KDM5A: variants seen among roughly 807,000 people sequenced by gnomAD.
The protein encoded by KDM5A is lysine-specific demethylase 5A.
Under a neutral mutation model 193.5 loss-of-function variants are expected in KDM5A, and 42 were observed. The ratio of observed to expected loss-of-function variants is 0.22; its 90% CI spans 0.17 to 0.28. The LOEUF (loss-of-function observed/expected upper bound fraction) is 0.28, where lower values mean the gene tolerates loss of function less well. Ranked by LOEUF, KDM5A falls within the 10% of genes least tolerant of loss-of-function variation. The probability of loss-of-function intolerance (pLI) is 1.00; values close to 1 mark genes in which losing one functional copy is unlikely to be tolerated. For synonymous variants in KDM5A, 796 were observed against 718.1 expected (o/e 1.11, Z -1.73); for missense variants, 1,692 against 2,055.1 (o/e 0.82, Z 3.42).
intron 5 of KDM5A, among the ~76,000 whole-genome samples, chr12:359,817 G>A (rs577985155): frequency 6.7e-6 from 1 of 148,234 alleles, no homozygotes. Flanking sequence ...GAGGGAGAAG[G>A]GAGGCAAGGA....
chr12:313,105 T>G lies in KDM5A; in HGVS notation c.2987A>C (p.Glu996Ala), dbSNP rs1236531310. The change falls in exon 20 of 28, where the codon GAA becomes GCA. Residue 996 changes from glutamate (E) to alanine (A), a missense_variant. This residue lies in a region of KDM5A where 965 missense variants were observed against 1,061.0 expected (regional missense o/e 0.91). Coordinates refer to ENST00000399788, the MANE Select transcript of KDM5A (RefSeq NM_001042603.3). Reference sequence around the variant, plus strand: ...CCATTCTCGAGCCTTTTGTAAGGCTTCTTTCAAGGACAACACATTGGGTAG... The same window carrying G: ...CCATTCTCGAGCCTTTTGTAAGGCTGCTTTCAAGGACAACACATTGGGTAG... Reference protein sequence around the residue: ...AFLPNVLSLKEALQKAREWTA... With the variant: ...AFLPNVLSLKAALQKAREWTA... The G allele has an allele frequency of 6.2e-7, 1 of 1,614,158 alleles. No homozygotes were observed. The highest frequency in any genetic ancestry group is 8.5e-7 in the Non-Finnish European group (1 of 1,179,988).
chr12:379,091 G>A (rs1324554514), intron 3 of KDM5A, among the ~76,000 whole-genome samples: 5 of 151,830 alleles, frequency 3.3e-5, no homozygotes, highest in South Asian at 2.1e-4. Flanking sequence ...AAACCATCAT[G>A]CTGATGACTT....
At chr12:330,886 C>A (rs1943855887) in intron 13 of KDM5A, among the ~76,000 whole-genome samples, 1 of 151,972 alleles carries the variant, frequency 6.6e-6, no homozygotes, top group Non-Finnish European at 1.5e-5. Context: ...GCAACAAAAA[C>A]AGCACCAATA....
At chr12:353,334 A>C (rs1216624428) in intron 8 of KDM5A, among the ~76,000 whole-genome samples, 1 of 152,224 alleles carries the variant, frequency 6.6e-6, no homozygotes, top group Non-Finnish European at 1.5e-5. Context: ...GTCTCAAAAA[A>C]GTAAATAAAT....
At chr12:300,569 C>A (rs916374403) in intron 24 of KDM5A, among the ~76,000 whole-genome samples, 5 of 152,034 alleles carry the variant, frequency 3.3e-5, no homozygotes, top group African/African-American at 1.2e-4. Flanking sequence ...TAAATGCCCA[C>A]AAGAGAAAGG....
chr12:314,613 T>C (rs1231065756), intron 19 of KDM5A, among the ~76,000 whole-genome samples: 2 of 152,196 alleles, frequency 1.3e-5, no homozygotes, highest in African/African-American at 4.8e-5. Flanking sequence ...AGAACCTAAT[T>C]GACTTGGCAG....
At chr12:361,511 T>A (rs1944295021) in intron 5 of KDM5A, among the ~76,000 whole-genome samples, 1 of 152,044 alleles carries the variant, frequency 6.6e-6, no homozygotes, top group Non-Finnish European at 1.5e-5. Context: ...CCCATTTTTA[T>A]AATAAAGAAA....
intron 1 of KDM5A, among the ~76,000 whole-genome samples, chr12:388,050 AACAAGACTAGAGATCT>A (rs754980035): frequency 2.0e-4 from 30 of 152,228 alleles, no homozygotes; most frequent in Non-Finnish European, 3.7e-4. Flanking sequence ...GAACTTCCAC[AACAAGACTAGAGATCT>A]GCATTTAAAC....
intron 10 of KDM5A, among the ~76,000 whole-genome samples, chr12:346,780 C>T (rs1324425629): frequency 6.6e-6 from 1 of 152,208 alleles, no homozygotes; most frequent in African/African-American, 2.4e-5. Context: ...ATAATAAGAG[C>T]TATTTATGAC....
chr12:296,884 G>A (rs1943380242), intron 25 of KDM5A, among the ~76,000 whole-genome samples, 157 bp downstream of exon 25: 2 of 152,166 alleles, frequency 1.3e-5, no homozygotes, highest in African/African-American at 4.8e-5. Context: ...ACAGGGATTG[G>A]CTTTTCCAAA....
At chr12:333,267 C>G in intron 12 of KDM5A, 1 of 566,160 alleles carries the variant, frequency 1.8e-6, no homozygotes. Flanking sequence ...AAAAATACAA[C>G]AATTAGCCGG....
intron 5 of KDM5A, among the ~76,000 whole-genome samples, chr12:360,057 C>T (rs1404486414): frequency 1.3e-5 from 2 of 152,054 alleles, no homozygotes; most frequent in Non-Finnish European, 2.9e-5. Context: ...AGGCAGATCA[C>T]TTCAGGCCAG....
At position 321,233 on chromosome 12, in the gene KDM5A, C is replaced by T. The variant is rs181078012; in HGVS notation, c.2427-124G>A. On this transcript the variant is annotated intron_variant, in intron 17 of 27. Transcript: ENST00000399788. ...TAGAATCCCAGTGTTTGAAGGATAACACCACAATGGTGACCACTTCAAAAC... is the reference window on the plus strand; with the variant it reads ...TAGAATCCCAGTGTTTGAAGGATAATACCACAATGGTGACCACTTCAAAAC... 576 of 727,992 alleles carry T rather than the reference C, an allele frequency of 7.9e-4. 1 individual carries two copies. Among genetic ancestry groups the T allele is most frequent in the South Asian group, 2.1e-4 (14 of 67,520 alleles). 45.1% of individuals were successfully genotyped at this position (727,992 alleles called of 1,614,324 possible). A position where few individuals can be genotyped will look rare whatever the true frequency, so the allele number is the denominator to read the frequency against.
chr12:327,596 CT>C (rs1943807573), intron 14 of KDM5A, among the ~76,000 whole-genome samples: 1 of 152,156 alleles, frequency 6.6e-6, no homozygotes, highest in Non-Finnish European at 1.5e-5. Flanking sequence ...GTAATCCCAG[CT>C]ACTTGGTAGG....
chr12:389,104 G>T lies in KDM5A; in HGVS notation c.-13C>A, dbSNP rs12297749. ...CCACGCCCGCCATTGCAACGGCCGG[G>T]GGGGGGGGGGGGTCCCCGTGGGGAA... On this transcript the variant is annotated 5_prime_UTR_variant, in exon 1 of 28. Coordinates refer to ENST00000399788, the MANE Select transcript of KDM5A (RefSeq NM_001042603.3). 32 of 220,228 alleles carry T rather than the reference G, an allele frequency of 1.5e-4. No individual in the cohort carries two copies. The highest frequency in any genetic ancestry group is 9.6e-4 in the South Asian group (16 of 16,622). 13.6% of individuals were successfully genotyped at this position (220,228 alleles called of 1,614,324 possible).
At chr12:347,335 C>T (rs926554258) in intron 10 of KDM5A, among the ~76,000 whole-genome samples, 1 of 152,110 alleles carries the variant, frequency 6.6e-6, no homozygotes, top group Admixed American at 6.5e-5. Flanking sequence ...GGCCATATTG[C>T]CCAAAGTAAT....
intron 3 of KDM5A, among the ~76,000 whole-genome samples, chr12:379,532 C>T (rs1371971724): frequency 6.6e-6 from 1 of 152,144 alleles, no homozygotes; most frequent in Non-Finnish European, 1.5e-5. Context: ...GTAAGTTACA[C>T]CTCAATGTAA....
chr12:371,880 G>C (rs1400073766), intron 3 of KDM5A, among the ~76,000 whole-genome samples: 6 of 152,072 alleles, frequency 3.9e-5, no homozygotes, highest in Non-Finnish European at 8.8e-5. Flanking sequence ...TCTTGTTTTT[G>C]TCAGGTTTGT....
chr12:330,079 G>GTATATA (rs201475150), intron 13 of KDM5A, among the ~76,000 whole-genome samples: 1 of 131,044 alleles, frequency 7.6e-6, no homozygotes, highest in African/African-American at 3.2e-5. Flanking sequence ...GTGTGTGTGT[G>GTATATA]TGTGTGTATA....
Sources: gnomAD v4.1 joint callset for allele counts (sites outside exome capture counted in the v4.1 genomes callset) on GRCh38, gnomAD v4.1.1 for gene constraint, gnomAD v4.1.1 regional missense constraint, MANE v1.5 for transcripts, NCBI Gene and HGNC (gene_info 2026-07-23, HGNC 2026-07-21) for gene names.